CTNNA3: variants seen among roughly 807,000 people sequenced by gnomAD.
CTNNA3 encodes catenin alpha-3.
A neutral mutation model predicts 95.7 loss-of-function variants in CTNNA3; 76 were observed. The observed-to-expected ratio is 0.79, with a 90% CI of 0.66 to 0.96. The LOEUF (loss-of-function observed/expected upper bound fraction) is 0.96. CTNNA3 is among the 40% of genes least tolerant of loss of function. The pLI is 0.00. For synonymous variants in CTNNA3, 431 were observed against 374.4 expected, an observed-to-expected ratio of 1.15 and a Z score of -1.74; for missense variants, 1,191 against 1,089.8, an observed-to-expected ratio of 1.09 and a Z score of -1.31.
chr10:67,366,590 G>A (rs913089606), intron 5 of CTNNA3, among the ~76,000 whole-genome samples: 1 of 151,788 alleles, frequency 6.6e-6, no homozygotes, highest in Non-Finnish European at 1.5e-5. Context: ...GCAGTGAGCA[G>A]GAATCCTGCC....
intron 12 of CTNNA3, among the ~76,000 whole-genome samples, chr10:66,326,889 C>G (rs2092260598): frequency 6.6e-6 from 1 of 151,974 alleles, no homozygotes. Context: ...TGTTTTTAGT[C>G]TTATTCATAA....
chr10:66,085,527 T>G (rs1259423964), intron 14 of CTNNA3, among the ~76,000 whole-genome samples: 1 of 152,148 alleles, frequency 6.6e-6, no homozygotes, highest in Non-Finnish European at 1.5e-5. Flanking sequence ...TTTTCTAGTT[T>G]CTTTTTTGAT....
intron 12 of CTNNA3, among the ~76,000 whole-genome samples, chr10:66,324,484 A>G (rs2092229519): frequency 6.6e-6 from 1 of 152,176 alleles, no homozygotes; most frequent in Non-Finnish European, 1.5e-5. Context: ...GTTAACACTT[A>G]AAGCCATGTG....
chr10:67,212,279 C>T (rs1226304171), intron 6 of CTNNA3, among the ~76,000 whole-genome samples: 2 of 151,950 alleles, frequency 1.3e-5, no homozygotes, highest in South Asian at 2.1e-4. Flanking sequence ...TATGCAACCT[C>T]TTTCTCCCCA....
At chr10:66,249,141 A>G (rs1112380) in intron 13 of CTNNA3, among the ~76,000 whole-genome samples, 32,556 of 152,082 alleles carry the variant, frequency 0.21, 3,672 homozygotes, top group South Asian at 0.29. Context: ...ACCATATACA[A>G]AAATCTAAGA....
chr10:66,346,211 GTATATATATA>G (rs368554085), intron 12 of CTNNA3, among the ~76,000 whole-genome samples: 132 of 105,388 alleles, frequency 1.3e-3, no homozygotes, highest in South Asian at 2.5e-3. Flanking sequence ...ATGTGTGTGT[GTATATATATA>G]TATATATATA....
At chr10:66,941,338 C>T (rs181674408) in intron 7 of CTNNA3, among the ~76,000 whole-genome samples, 26 of 152,276 alleles carry the variant, frequency 1.7e-4, no homozygotes, top group Non-Finnish European at 3.4e-4. Flanking sequence ...TTCTCGAGTG[C>T]ATTTTAAAAG....
rs144511828 is a variant in CTNNA3 at position 66,244,324 on chromosome 10, C to T, written c.1884+36146G>A. On this transcript the variant is annotated intron_variant, in intron 13 of 17. Coordinates refer to ENST00000433211, the MANE Select transcript of CTNNA3 (RefSeq NM_013266.4). The stretch of plus-strand genomic sequence containing the variant: ...CCATCTGGGCCTGCGCAGAACTTTC[C>T]ACCCGGAAGGGAAGGACATAAACAT... 1.8e-3 allele frequency among the ~76,000 whole-genome samples: 275 copies of T among 152,338 alleles called. 2 individuals are homozygous for T. The highest frequency in any genetic ancestry group is 6.5e-3 in the African/African-American group (269 of 41,576).
chr10:65,993,413 T>G (rs140023791), intron 15 of CTNNA3, among the ~76,000 whole-genome samples: 1 of 152,238 alleles, frequency 6.6e-6, no homozygotes, highest in Non-Finnish European at 1.5e-5. Flanking sequence ...GCTTCATATA[T>G]CTGGATGATT....
In CTNNA3 at chr10:66,977,143, A is replaced by C. The variant is rs542806332; in HGVS notation, c.1048-201619T>G. Among the ~76,000 whole-genome samples the C allele has an allele frequency of 5.9e-5, 9 of 152,232 alleles. No individual in the cohort carries two copies. In the South Asian group the frequency reaches 1.9e-3, roughly 32 times the overall value. ...TGTTTAAAGGACCTATAATGGGTAG[A>C]ATATATAAAGGTTGGCCGGGCACGG... On this transcript the variant is annotated intron_variant, in intron 7 of 17. Transcript: ENST00000433211.
At chr10:66,527,554 T>C (rs1841311761) in intron 10 of CTNNA3, among the ~76,000 whole-genome samples, 1 of 152,170 alleles carries the variant, frequency 6.6e-6, no homozygotes, top group Admixed American at 6.5e-5. Flanking sequence ...TATGATGTCT[T>C]TTCTGTTTTT....
chr10:67,737,277 A>G (rs1841308030), intron 1 of CTNNA3, among the ~76,000 whole-genome samples: 1 of 152,238 alleles, frequency 6.6e-6, no homozygotes, highest in African/African-American at 2.4e-5. Flanking sequence ...TTAAGAAAGA[A>G]ATTTTAAAAT....
At chr10:67,065,306 T>G (rs980598368) in intron 7 of CTNNA3, among the ~76,000 whole-genome samples, 3 of 152,178 alleles carry the variant, frequency 2.0e-5, no homozygotes, top group Admixed American at 2.0e-4. Flanking sequence ...CCAAGGTTAA[T>G]AATTCCTATC....
chr10:66,706,538 A>G (rs1426681783), intron 9 of CTNNA3, among the ~76,000 whole-genome samples: 7 of 151,950 alleles, frequency 4.6e-5, no homozygotes, highest in African/African-American at 7.2e-5. Context: ...TGGATTAAAA[A>G]AACACACAGA....
At chr10:66,044,356 C>A (rs1403116208) in intron 15 of CTNNA3, among the ~76,000 whole-genome samples, 2 of 151,872 alleles carry the variant, frequency 1.3e-5, no homozygotes, top group African/African-American at 4.8e-5. Flanking sequence ...CCAGAAAAAT[C>A]AAAAGCAAAT....
At chr10:67,085,402 TGA>T (rs1857248803) in intron 7 of CTNNA3, among the ~76,000 whole-genome samples, 1 of 146,312 alleles carries the variant, frequency 6.8e-6, no homozygotes, top group African/African-American at 2.5e-5. Context: ...AAAAAAAAAA[TGA>T]GAGGGACTAA....
rs1008029511 is a variant in CTNNA3, at chr10:67,135,747, C to T, written c.1047+44570G>A. 2.0e-5 allele frequency among the ~76,000 whole-genome samples: 3 copies of T among 152,102 alleles called. No individual in the cohort carries two copies. In the East Asian group the frequency reaches 5.8e-4, roughly 29 times the overall value. On this transcript the variant is annotated intron_variant, in intron 7 of 17. Transcript: ENST00000433211. ...GTAAGATGATCATATATGCCCTCCA[C>T]ATACCAACACCAAAAGCATTGATTT...
intron 5 of CTNNA3, among the ~76,000 whole-genome samples, chr10:67,384,979 G>A (rs1212336187): frequency 6.6e-6 from 1 of 150,746 alleles, no homozygotes; most frequent in Non-Finnish European, 1.5e-5. Flanking sequence ...CCACCAAAAA[G>A]GCCTATTTTG....
chr10:66,716,727 C>T lies in CTNNA3; in HGVS notation c.1281+49537G>A, dbSNP rs146064168. Among the ~76,000 whole-genome samples, 1,118 of 152,222 alleles carry T rather than the reference C, an allele frequency of 7.3e-3. 11 individuals carry two copies. Among genetic ancestry groups the T allele is most frequent in the South Asian group, 0.024 (114 of 4,828 alleles). On this transcript the variant is annotated intron_variant, in intron 9 of 17. Transcript: ENST00000433211. ...ATGGCACTACCTAGGTGTTTGATGG[C>T]TTTACCCTAGGAGTAAGGTTGAGTT...
Sources: allele counts gnomAD v4.1 joint callset (sites outside exome capture counted in the v4.1 genomes callset), GRCh38; gene constraint gnomAD v4.1.1; transcripts MANE v1.5; gene names NCBI Gene and HGNC (gene_info 2026-07-23, HGNC 2026-07-21).